The following OR2M4 variants were observed in gnomAD, a reference collection of about 807,000 sequenced individuals.
OR2M4 encodes the protein olfactory receptor 2M4.
In OR2M4, 8 loss-of-function variants were observed where a neutral mutation model predicts 13.7. The observed-to-expected ratio is 0.58, with a 90% CI of 0.34 to 1.05. OR2M4 has a LOEUF of 1.05. Among genes scored for constraint, OR2M4 ranks in the 50% least tolerant of loss-of-function variants. The probability of loss-of-function intolerance (pLI) is 0.02; values close to 1 mark genes in which losing one functional copy is unlikely to be tolerated. For missense variants in OR2M4, 374 were observed against 381.6 expected, an observed-to-expected ratio of 0.98 and a Z score of 0.17; for synonymous variants, 152 against 141.3, an observed-to-expected ratio of 1.08 and a Z score of -0.53.
rs116223747 is a variant in OR2M4, at chr1:248,237,348, C to T, written c.-19-1562C>T. ...AAAGGCCTTAGATAAAATCCAACAT[C>T]GCTTCGTGTTAAAAACTCTCAATAG... On this transcript the variant is annotated intron_variant, in intron 1 of 1. Transcript: ENST00000641868. Among the ~76,000 whole-genome samples, 658 of 152,182 alleles carry T rather than the reference C, an allele frequency of 4.3e-3. 4 individuals carry two copies. The highest frequency in any genetic ancestry group is 0.015 in the African/African-American group (613 of 41,494).
At chr1:248,235,692 G>A (rs1666550329) in intron 1 of OR2M4, among the ~76,000 whole-genome samples, 1 of 152,118 alleles carries the variant, frequency 6.6e-6, no homozygotes, top group Admixed American at 6.5e-5. Flanking sequence ...GTGGTTTGCA[G>A]TTCTCTTTGA....
rs1461781972 is a variant in OR2M4 at position 248,243,420 on chromosome 1, A to G, written c.*3556A>G. On this transcript the variant is annotated 3_prime_UTR_variant, in exon 2 of 2. Coordinates refer to ENST00000641868, the MANE Select transcript of OR2M4 (RefSeq NM_017504.2). ...TGGGGGTTGAGAGAGATGCCTCCTTACCAGGACGACTCCTGAGCCTTGGAG... is the reference window on the plus strand; with the variant it reads ...TGGGGGTTGAGAGAGATGCCTCCTTGCCAGGACGACTCCTGAGCCTTGGAG... The G allele has an allele frequency of 6.6e-6, 1 of 152,080 alleles. No homozygotes were observed. Among genetic ancestry groups the G allele is most frequent in the Non-Finnish European group, 1.5e-5 (1 of 68,028 alleles). The allele number at this position is 152,080 out of a possible 1,614,324, so 9.4% of individuals were successfully genotyped here.
intron 1 of OR2M4, among the ~76,000 whole-genome samples, chr1:248,232,263 A>G (rs1666512629): frequency 6.6e-6 from 1 of 152,178 alleles, no homozygotes; most frequent in African/African-American, 2.4e-5. Context: ...CATTCTTGAA[A>G]TCTGGACACA....
Position 248,240,498 on chromosome 1 carries a change from G to A in OR2M4, c.*634G>A, listed in dbSNP as rs918610847. ...GAGTCCACATAAAATATCTATTTGGGCTGCACAGTCAACATCTGTATCATG... is the reference window on the plus strand; with the variant it reads ...GAGTCCACATAAAATATCTATTTGGACTGCACAGTCAACATCTGTATCATG... On this transcript the variant is annotated 3_prime_UTR_variant, in exon 2 of 2. Coordinates refer to ENST00000641868, the MANE Select transcript of OR2M4 (RefSeq NM_017504.2). 24 of 152,060 alleles carry A rather than the reference G, an allele frequency of 1.6e-4. No individual in the cohort carries two copies. The highest frequency in any genetic ancestry group is 5.8e-4 in the African/African-American group (24 of 41,388). 9.4% of individuals were successfully genotyped at this position (152,060 alleles called of 1,614,324 possible).
At position 248,242,023 on chromosome 1, in the gene OR2M4, A is replaced by T. The variant is rs949951978; in HGVS notation, c.*2159A>T. ...TAAAAGAAGATAATACTATGTCCCTATGTGTTTCATTCCACTTTATGATAC... is the reference window on the plus strand; with the variant it reads ...TAAAAGAAGATAATACTATGTCCCTTTGTGTTTCATTCCACTTTATGATAC... On this transcript the variant is annotated 3_prime_UTR_variant, in exon 2 of 2. Transcript: ENST00000641868. 1 of 152,174 alleles carries T rather than the reference A, an allele frequency of 6.6e-6. No individual in the cohort carries two copies. The highest frequency in any genetic ancestry group is 1.5e-5 in the Non-Finnish European group (1 of 68,030). 9.4% of individuals were successfully genotyped at this position (152,174 alleles called of 1,614,324 possible).
At chr1:248,237,578 A>G (rs961284280) in intron 1 of OR2M4, among the ~76,000 whole-genome samples, 1 of 152,106 alleles carries the variant, frequency 6.6e-6, no homozygotes, top group Non-Finnish European at 1.5e-5. Context: ...GCTTGAAACC[A>G]GGAGGCAGAG....
At chr1:248,232,724 A>G (rs1666516713) in intron 1 of OR2M4, among the ~76,000 whole-genome samples, 1 of 152,130 alleles carries the variant, frequency 6.6e-6, no homozygotes, top group Non-Finnish European at 1.5e-5. Context: ...TATTCTTAAA[A>G]TGGAAGAGCA....
At chr1:248,231,767 A>C (rs1304633891) in intron 1 of OR2M4, among the ~76,000 whole-genome samples, 187 bp downstream of exon 1, 1 of 152,158 alleles carries the variant, frequency 6.6e-6, no homozygotes, top group Non-Finnish European at 1.5e-5. Flanking sequence ...GTTCTTCACA[A>C]CTACCTAATT....
Position 248,239,546 on chromosome 1 carries a change from G to T in OR2M4, c.618G>T (p.Met206Ile). Residue 206 changes from methionine to isoleucine, a missense_variant, in exon 2 of 2, where the codon ATG becomes ATT. Physicochemically the swap from Met to Ile is conservative, Grantham distance 10. Coordinates refer to ENST00000641868, the MANE Select transcript of OR2M4 (RefSeq NM_017504.2). Reference protein sequence around the residue: ...ERLLVICCVVMLIFPVSVIIL... With the variant: ...ERLLVICCVVILIFPVSVIIL... ...TACTTGTCATTTGTTGTGTGGTAATGCTAATCTTTCCAGTTTCAGTTATCA... is the reference window on the plus strand; with the variant it reads ...TACTTGTCATTTGTTGTGTGGTAATTCTAATCTTTCCAGTTTCAGTTATCA... 6.2e-7 allele frequency: 1 copy of T among 1,614,118 alleles called. No homozygotes were observed.
rs779589658 is a variant in OR2M4, at chr1:248,238,891, CCTT to C, written c.-19-15_-19-13del. On this transcript the variant is annotated splice_polypyrimidine_tract_variant and intron_variant, in intron 1 of 1. Coordinates refer to ENST00000641868, the MANE Select transcript of OR2M4 (RefSeq NM_017504.2). ...AACTGAATTGATAAATAAGCTTGTA[CCTT>C]CTTTGGAATTCTCAGATAAGGCAAA... 6.3e-6 allele frequency: 9 copies of C among 1,423,040 alleles called. No individual in the cohort carries two copies. The highest frequency in any genetic ancestry group is 1.3e-5 in the South Asian group (1 of 75,444). The allele number at this position is 1,423,040 out of a possible 1,614,324, so 88.2% of individuals were successfully genotyped here. A position where few individuals can be genotyped will look rare whatever the true frequency, so the allele number is the denominator to read the frequency against.
intron 1 of OR2M4, among the ~76,000 whole-genome samples, chr1:248,235,718 C>T (rs1396622895): frequency 6.6e-6 from 1 of 152,102 alleles, no homozygotes; most frequent in Non-Finnish European, 1.5e-5. Flanking sequence ...CCCTTCACAT[C>T]CCTTGTTAGC....
chr1:248,240,647 C>T lies in OR2M4; in HGVS notation c.*783C>T, dbSNP rs542384928. 1 of 152,296 alleles carries T rather than the reference C, an allele frequency of 6.6e-6. No homozygotes were observed. The highest frequency in any genetic ancestry group is 1.9e-4 in the East Asian group (1 of 5,186). The allele number at this position is 152,296 out of a possible 1,614,324, so 9.4% of individuals were successfully genotyped here. On this transcript the variant is annotated 3_prime_UTR_variant, in exon 2 of 2. Coordinates refer to ENST00000641868, the MANE Select transcript of OR2M4 (RefSeq NM_017504.2). ...GACAGCAATTTAACAATAATCCATA[C>T]ACGAACAACACATTCATGAGAGCCA...
intron 1 of OR2M4, among the ~76,000 whole-genome samples, chr1:248,235,757 T>C (rs1408249084): frequency 6.6e-6 from 1 of 152,138 alleles, no homozygotes; most frequent in Non-Finnish European, 1.5e-5. Context: ...ATTCTCTTTG[T>C]AGCAATTGTA....
chr1:248,233,890 A>T (rs1361267367), intron 1 of OR2M4, among the ~76,000 whole-genome samples: 7 of 152,064 alleles, frequency 4.6e-5, no homozygotes, highest in African/African-American at 1.7e-4. Context: ...TAGAGATAAT[A>T]ATTGAGAGCT....
intron 1 of OR2M4, among the ~76,000 whole-genome samples, chr1:248,237,373 G>A (rs975343163): frequency 3.2e-4 from 49 of 152,206 alleles, no homozygotes; most frequent in African/African-American, 1.2e-3. Context: ...ACTCTCAATA[G>A]CCAGGCACGG....
At chr1:248,231,824 CTCTT>C (rs1438857689) in intron 1 of OR2M4, among the ~76,000 whole-genome samples, 1 of 152,094 alleles carries the variant, frequency 6.6e-6, no homozygotes, top group Non-Finnish European at 1.5e-5. Flanking sequence ...ATCCTGGACT[CTCTT>C]TCTGTTTCAT....
At position 248,241,865 on chromosome 1, in the gene OR2M4, G is replaced by A. The variant is rs1332629033; in HGVS notation, c.*2001G>A. 1 of 152,090 alleles carries A rather than the reference G, an allele frequency of 6.6e-6. No individual in the cohort carries two copies. The highest frequency in any genetic ancestry group is 1.5e-5 in the Non-Finnish European group (1 of 68,038). 9.4% of individuals were successfully genotyped at this position (152,090 alleles called of 1,614,324 possible). A position where few individuals can be genotyped will look rare whatever the true frequency, so the allele number is the denominator to read the frequency against. ...AGATCATGCCATTGCACTCCAGCCT[G>A]GGCAACAAAAGCAAAACTCCATCTC... On this transcript the variant is annotated 3_prime_UTR_variant, in exon 2 of 2. Coordinates refer to ENST00000641868, the MANE Select transcript of OR2M4 (RefSeq NM_017504.2).
intron 1 of OR2M4, among the ~76,000 whole-genome samples, chr1:248,237,676 CAAAAA>C (rs761966555): frequency 6.1e-4 from 92 of 151,886 alleles, no homozygotes; most frequent in Non-Finnish European, 1.0e-3. Context: ...CAAAACAAAA[CAAAAA>C]AACTCTCAAT....
chr1:248,232,933 G>A (rs1200239971), intron 1 of OR2M4, among the ~76,000 whole-genome samples: 2 of 152,040 alleles, frequency 1.3e-5, no homozygotes, highest in Admixed American at 6.6e-5. Context: ...CAGCTGAGGA[G>A]TTATTCTCTA....
Sources: allele counts gnomAD v4.1 joint callset (sites outside exome capture counted in the v4.1 genomes callset), GRCh38; gene constraint gnomAD v4.1.1; transcripts MANE v1.5; gene names NCBI Gene and HGNC (gene_info 2026-07-23, HGNC 2026-07-21).